TMPRSS11D: variants seen among roughly 807,000 people sequenced by gnomAD.
TMPRSS11D encodes the protein transmembrane serine protease 11D.
In TMPRSS11D, 32 loss-of-function variants were observed where a neutral mutation model predicts 44.4. That is an observed-to-expected ratio of 0.72 (90% CI 0.54 to 0.97). The LOEUF (loss-of-function observed/expected upper bound fraction) is 0.97, where lower values mean the gene tolerates loss of function less well. Among genes scored for constraint, TMPRSS11D ranks in the 50% least tolerant of loss-of-function variants. The pLI is 0.00. For synonymous variants in TMPRSS11D, 179 were observed against 177.9 expected (o/e 1.01, Z -0.05); for missense variants, 446 against 502.6 (o/e 0.89, Z 1.08).
intron 1 of TMPRSS11D, among the ~76,000 whole-genome samples, chr4:67,880,063 T>C (rs915737453): frequency 1.3e-5 from 2 of 152,238 alleles, no homozygotes; most frequent in African/African-American, 4.8e-5. Flanking sequence ...ATAAGTTTTT[T>C]AGGAATATAT....
At chr4:67,863,043 AATAAAAAAATATAT>A (rs1560547069) in intron 1 of TMPRSS11D, among the ~76,000 whole-genome samples, 1 of 148,074 alleles carries the variant, frequency 6.8e-6, no homozygotes, top group Non-Finnish European at 1.5e-5. Context: ...CTTAAAGTAT[AATAAAAAAATATAT>A]ATAAAATAAT....
chr4:67,824,633 T>C (rs766906622), intron 9 of TMPRSS11D, among the ~76,000 whole-genome samples: 1 of 152,160 alleles, frequency 6.6e-6, no homozygotes, highest in Non-Finnish European at 1.5e-5. Flanking sequence ...ATAAAAATGT[T>C]TCATTTTGGG....
chr4:67,850,046 T>A (rs1022740569), intron 3 of TMPRSS11D, among the ~76,000 whole-genome samples: 1 of 152,176 alleles, frequency 6.6e-6, no homozygotes, highest in Non-Finnish European at 1.5e-5. Context: ...AACTCATACA[T>A]CAGAAGAATT....
chr4:67,835,083 C>A lies in TMPRSS11D; in HGVS notation c.514G>T (p.Glu172Ter), dbSNP rs775641578. 6.2e-7 allele frequency: 1 copy of A among 1,611,840 alleles called. No homozygotes were observed. Among genetic ancestry groups the A allele is most frequent in the Non-Finnish European group, 8.5e-7 (1 of 1,178,456 alleles). Reference sequence around the variant, plus strand: ...GTTACAAAATAATATTAAAACTTACCATTAATAAGCCAATTTGCTGCAGCC... The same window carrying A: ...GTTACAAAATAATATTAAAACTTACAATTAATAAGCCAATTTGCTGCAGCC... ...DQAAANWLIN[E>*]CGAGPDLITL... Residue 172 changes from glutamate (E) to a stop codon, truncating the protein, a stop_gained and splice_region_variant, in exon 6 of 10, where the codon GAA becomes TAA. Transcript: ENST00000283916. LOFTEE classifies it high-confidence loss of function.
intron 5 of TMPRSS11D, 104 bp from the exon 6 acceptor site, chr4:67,835,225 T>G: frequency 9.0e-7 from 1 of 1,116,938 alleles, no homozygotes; most frequent in Non-Finnish European, 1.3e-6. Context: ...CAGAATTACT[T>G]GTTGGGGTTG....
At chr4:67,823,886 T>A (rs1244688659) in intron 9 of TMPRSS11D, among the ~76,000 whole-genome samples, 2 of 152,120 alleles carry the variant, frequency 1.3e-5, no homozygotes, top group Non-Finnish European at 2.9e-5. Flanking sequence ...GGCAAGCAAA[T>A]GTTAAAGCAA....
chr4:67,856,736 G>A (rs1183073960), intron 2 of TMPRSS11D, among the ~76,000 whole-genome samples: 3 of 151,992 alleles, frequency 2.0e-5, no homozygotes, highest in Admixed American at 1.3e-4. Context: ...CTGTTCATCT[G>A]ACAAGAGACT....
intron 1 of TMPRSS11D, among the ~76,000 whole-genome samples, chr4:67,876,510 A>G (rs551949268): frequency 6.6e-6 from 1 of 152,338 alleles, no homozygotes; most frequent in South Asian, 2.1e-4. Flanking sequence ...ATATTTTTAT[A>G]ATAACATTTT....
intron 1 of TMPRSS11D, among the ~76,000 whole-genome samples, chr4:67,863,725 G>C (rs1486854277): frequency 1.3e-5 from 1 of 79,240 alleles, no homozygotes; most frequent in South Asian, 3.8e-4. Flanking sequence ...TTAAGCTTCA[G>C]ATTTCAAAAA....
At chr4:67,834,139 C>T (rs528798286) in intron 6 of TMPRSS11D, among the ~76,000 whole-genome samples, 68 of 152,264 alleles carry the variant, frequency 4.5e-4, no homozygotes, top group African/African-American at 1.2e-3. Context: ...CCTCTCAACT[C>T]GCATTCCCAT....
intron 1 of TMPRSS11D, among the ~76,000 whole-genome samples, chr4:67,874,604 G>C (rs537903801): frequency 6.6e-6 from 1 of 152,086 alleles, no homozygotes; most frequent in East Asian, 1.9e-4. Flanking sequence ...TGAGAAGGGA[G>C]GCACTGTGAA....
chr4:67,857,168 G>A (rs892694690), intron 2 of TMPRSS11D, among the ~76,000 whole-genome samples: 1 of 151,696 alleles, frequency 6.6e-6, no homozygotes, highest in East Asian at 1.9e-4. Flanking sequence ...CCATGTCAAA[G>A]AGATATTTGT....
intron 1 of TMPRSS11D, among the ~76,000 whole-genome samples, chr4:67,870,562 C>T (rs1719031630): frequency 6.6e-6 from 1 of 152,042 alleles, no homozygotes; most frequent in Non-Finnish European, 1.5e-5. Context: ...CGCCTGTAAT[C>T]CCAGCACTTG....
chr4:67,884,002 T>C lies in TMPRSS11D; in HGVS notation c.-69A>G. ...GCTTTGAGATTCCCACTCAAATGAA[T>C]GACTCTCATGTATTACGTGTGATCT... On this transcript the variant is annotated 5_prime_UTR_variant, in exon 1 of 10. Transcript: ENST00000283916. The C allele has an allele frequency of 7.1e-7, 1 of 1,417,544 alleles. No individual in the cohort carries two copies. Among genetic ancestry groups the C allele is most frequent in the African/African-American group, 1.4e-5 (1 of 69,492 alleles). 87.8% of individuals were successfully genotyped at this position (1,417,544 alleles called of 1,614,324 possible). A position where few individuals can be genotyped will look rare whatever the true frequency, so the allele number is the denominator to read the frequency against.
chr4:67,874,103 G>A (rs915800243), intron 1 of TMPRSS11D, among the ~76,000 whole-genome samples: 1 of 151,918 alleles, frequency 6.6e-6, no homozygotes, highest in South Asian at 2.1e-4. Flanking sequence ...TGTTACAATT[G>A]CCTACAGTAT....
chr4:67,848,445 G>T (rs572485705), intron 3 of TMPRSS11D, among the ~76,000 whole-genome samples: 4 of 152,124 alleles, frequency 2.6e-5, no homozygotes, highest in African/African-American at 9.7e-5. Flanking sequence ...TCAGGTATTG[G>T]AATACAACGA....
intron 3 of TMPRSS11D, 101 bp downstream of exon 3, chr4:67,853,967 A>G: frequency 1.5e-6 from 1 of 678,212 alleles, no homozygotes. Flanking sequence ...GAAGGAAAAT[A>G]TGTAGAGCAC....
chr4:67,833,107 T>C (rs749099851), intron 7 of TMPRSS11D, 97 bp downstream of exon 7: 1 of 1,167,970 alleles, frequency 8.6e-7, no homozygotes, highest in Non-Finnish European at 1.1e-6. Context: ...TTGCATTGAA[T>C]TATTTCTGGC....
At chr4:67,846,034 T>C (rs984201249) in intron 3 of TMPRSS11D, among the ~76,000 whole-genome samples, 2 of 152,182 alleles carry the variant, frequency 1.3e-5, no homozygotes, top group African/African-American at 4.8e-5. Context: ...TTGCTCATAT[T>C]ATTAGAATAG....
Sources: gnomAD v4.1 joint callset for allele counts (sites outside exome capture counted in the v4.1 genomes callset) on GRCh38, gnomAD v4.1.1 for gene constraint, MANE v1.5 for transcripts, NCBI Gene and HGNC (gene_info 2026-07-23, HGNC 2026-07-21) for gene names.